PI4KA: variants seen among roughly 807,000 people sequenced by gnomAD.
PI4KA encodes the protein phosphatidylinositol 4-kinase alpha, also known as PI4-kinase alpha.
A neutral mutation model predicts 271.4 loss-of-function variants in PI4KA; 122 were observed. The ratio of observed to expected loss-of-function variants is 0.45; its 90% CI spans 0.39 to 0.52. The LOEUF (loss-of-function observed/expected upper bound fraction) is 0.52, where lower values mean the gene tolerates loss of function less well. PI4KA is among the 20% of genes least tolerant of loss of function. The pLI is 0.00. For missense variants in PI4KA, 1,969 were observed against 2,769.1 expected, an observed-to-expected ratio of 0.71 and a Z score of 6.48; for synonymous variants, 1,041 against 1,078.8, an observed-to-expected ratio of 0.96 and a Z score of 0.69.
chr22:20,713,114 G>T, intron 48 of PI4KA, 167 bp downstream of exon 48: 1 of 694,758 alleles, frequency 1.4e-6, no homozygotes. Flanking sequence ...TGGAAGGAGA[G>T]GCCTCTGGGT....
intron 9 of PI4KA, among the ~76,000 whole-genome samples, 191 bp from the exon 10 acceptor site, chr22:20,807,649 G>A (rs150137320): frequency 1.6e-4 from 25 of 152,338 alleles, no homozygotes; most frequent in African/African-American, 5.5e-4. Context: ...AAGGAAAACA[G>A]GAGGCTCATG....
chr22:20,821,049 T>C (rs1270467340), intron 4 of PI4KA, among the ~76,000 whole-genome samples: 1 of 152,216 alleles, frequency 6.6e-6, no homozygotes. Context: ...TCTGGAAGTG[T>C]AGTGCTCAGA....
chr22:20,758,324 C>G (rs906330691), intron 23 of PI4KA, among the ~76,000 whole-genome samples: 5 of 132,482 alleles, frequency 3.8e-5, no homozygotes, highest in Non-Finnish European at 7.7e-5. Context: ...GAGATCGTTC[C>G]ACTGCACTCC....
At chr22:20,820,506 C>G in intron 5 of PI4KA, 33 bp downstream of exon 5, 2 of 1,419,510 alleles carry the variant, frequency 1.4e-6, no homozygotes, top group South Asian at 2.4e-5. Context: ...AACCACAAAA[C>G]CATTTTAAGA....
intron 19 of PI4KA, among the ~76,000 whole-genome samples, chr22:20,789,591 A>C (rs1934501936): frequency 6.6e-6 from 1 of 152,202 alleles, no homozygotes. Flanking sequence ...TGGCCTCCCA[A>C]AGTGTTGGGA....
chr22:20,794,909 A>C (rs916908428), intron 18 of PI4KA, among the ~76,000 whole-genome samples: 1 of 152,220 alleles, frequency 6.6e-6, no homozygotes, highest in African/African-American at 2.4e-5. Flanking sequence ...AGTTGAGTTG[A>C]GCAGTTACAA....
intron 28 of PI4KA, among the ~76,000 whole-genome samples, chr22:20,748,034 C>T (rs1030211851): frequency 1.3e-5 from 2 of 152,196 alleles, no homozygotes; most frequent in African/African-American, 2.4e-5. Context: ...CTGTGCCTGG[C>T]CTTGCTATTT....
chr22:20,790,726 ACACAC>A (rs1934582248), intron 19 of PI4KA, among the ~76,000 whole-genome samples: 2 of 151,530 alleles, frequency 1.3e-5, no homozygotes, highest in Non-Finnish European at 2.9e-5. Context: ...ACACACACAC[ACACAC>A]ACACACACAC....
chr22:20,757,042 C>T (rs1931387265), intron 23 of PI4KA, among the ~76,000 whole-genome samples: 2 of 152,228 alleles, frequency 1.3e-5, no homozygotes, highest in South Asian at 2.1e-4. Flanking sequence ...GAGCAGCAGG[C>T]TCCTGCCCTC....
At chr22:20,820,120 C>T (rs1158546052) in intron 5 of PI4KA, among the ~76,000 whole-genome samples, 2 of 152,224 alleles carry the variant, frequency 1.3e-5, no homozygotes, top group Non-Finnish European at 2.9e-5. Context: ...ATACACCCAG[C>T]TGCCCTGCTT....
At chr22:20,732,017 A>G (rs1007292514) in intron 36 of PI4KA, among the ~76,000 whole-genome samples, 1 of 151,568 alleles carries the variant, frequency 6.6e-6, no homozygotes, top group Non-Finnish European at 1.5e-5. Context: ...CTAAAAAAAT[A>G]CAAAAAATTA....
Position 20,826,588 on chromosome 22 carries a change from A to G in PI4KA, c.368-2174T>C, listed in dbSNP as rs140168406. On this transcript the variant is annotated intron_variant, in intron 3 of 54. Coordinates refer to ENST00000255882, the MANE Select transcript of PI4KA (RefSeq NM_058004.4). ...ACCCAATAATGGGATTGCTGGGTCAAATGGTAATCCTGTTTTAAATTCTTT... is the reference window on the plus strand; with the variant it reads ...ACCCAATAATGGGATTGCTGGGTCAGATGGTAATCCTGTTTTAAATTCTTT... Among the ~76,000 whole-genome samples the G allele has an allele frequency of 1.1e-4, 16 of 152,286 alleles. No homozygotes were observed. The East Asian group carries it at 2.9e-3, about 28-fold the overall frequency.
chr22:20,727,727 T>C, intron 40 of PI4KA, 47 bp downstream of exon 40: 2 of 1,406,820 alleles, frequency 1.4e-6, no homozygotes, highest in Non-Finnish European at 2.0e-6. Flanking sequence ...TGCAGTGTGC[T>C]ATTTTGTGCA....
Position 20,858,751 on chromosome 22 carries a change from GCCGGCTCC to G in PI4KA, c.-34_-27del. On this transcript the variant is annotated 5_prime_UTR_variant, in exon 1 of 55. The change creates a premature stop within an existing upstream ORF in the 5' untranslated region. Coordinates refer to ENST00000255882, the MANE Select transcript of PI4KA (RefSeq NM_058004.4). ...CACCTCACGAGCCGCGGCGCTGCCC[GCCGGCTCC>G]CCGCTCCTGGCCCGCGAGCGCCCGA... 7.3e-7 allele frequency: 1 copy of G among 1,366,512 alleles called. No homozygotes were observed. The highest frequency in any genetic ancestry group is 9.5e-7 in the Non-Finnish European group (1 of 1,057,970). 84.6% of individuals were successfully genotyped at this position (1,366,512 alleles called of 1,614,324 possible).
chr22:20,727,544 G>A, intron 40 of PI4KA, 147 bp from the exon 41 acceptor site: 1 of 790,262 alleles, frequency 1.3e-6, no homozygotes, highest in Non-Finnish European at 2.0e-6. Flanking sequence ...ATGTGTTATG[G>A]AAAACAACGT....
intron 19 of PI4KA, chr22:20,779,726 C>T (rs780641663): frequency 1.2e-6 from 2 of 1,614,230 alleles, no homozygotes; most frequent in Admixed American, 1.7e-5. Context: ...TCAACCTCTA[C>T]CGAGTGCTGA....
rs6004033 is a variant in PI4KA, at chr22:20,713,737, C to A, written c.5462-347G>T. On this transcript the variant is annotated intron_variant, in intron 47 of 54. Transcript: ENST00000255882. The stretch of plus-strand genomic sequence containing the variant: ...TCTGTACACTGGGGTCCTGGGAGGG[C>A]TCGGGGCCAGCGTGCAGACATGGCC... Among the ~76,000 whole-genome samples the A allele has an allele frequency of 0.069, 10,454 of 152,286 alleles. 350 individuals carry two copies. Among genetic ancestry groups the A allele is most frequent in the East Asian group, 0.08 (412 of 5,174 alleles).
intron 12 of PI4KA, among the ~76,000 whole-genome samples, 162 bp from the exon 13 acceptor site, chr22:20,803,482 C>A (rs563178645): frequency 6.6e-6 from 1 of 152,126 alleles, no homozygotes; most frequent in Non-Finnish European, 1.5e-5. Flanking sequence ...AAGATGGAAG[C>A]GATGGTGCTG....
intron 19 of PI4KA, among the ~76,000 whole-genome samples, chr22:20,788,097 C>T (rs1364662315): frequency 6.6e-6 from 1 of 152,216 alleles, no homozygotes; most frequent in Non-Finnish European, 1.5e-5. Context: ...AGAGGCTGTT[C>T]AGCACGCAAG....
Sources: gnomAD v4.1 joint callset for allele counts (sites outside exome capture counted in the v4.1 genomes callset) on GRCh38, gnomAD v4.1.1 for gene constraint, MANE v1.5 for transcripts, NCBI Gene and HGNC (gene_info 2026-07-23, HGNC 2026-07-21) for gene names.